The following LINGO2 variants were observed in gnomAD, a reference collection of about 807,000 sequenced individuals.
The protein encoded by LINGO2 is leucine rich repeat and Ig domain containing 2.
A neutral mutation model predicts 30.6 loss-of-function variants in LINGO2; 14 were observed. The observed-to-expected ratio is 0.46, with a 90% CI of 0.30 to 0.72. The LOEUF is 0.72. Among genes scored for constraint, LINGO2 ranks in the 30% least tolerant of loss-of-function variants. The pLI is 0.07. For missense variants in LINGO2, 729 were observed against 751.7 expected, an observed-to-expected ratio of 0.97 and a Z score of 0.35; for synonymous variants, 317 against 288.5, an observed-to-expected ratio of 1.10 and a Z score of -1.00.
At chr9:29,205,563 C>A in the LINGO2 span, among the ~76,000 whole-genome samples, 3 of 152,048 alleles carry the variant, frequency 2.0e-5, no homozygotes, top group Non-Finnish European at 4.4e-5. Flanking sequence ...ATGTTGGTCT[C>A]ATAGTTGGAA....
At position 28,506,257 on chromosome 9, in the gene LINGO2, A is replaced by C. The variant is rs117611873; in HGVS notation, c.-364-30232T>G. On this transcript the variant is annotated intron_variant, in intron 1 of 5. Transcript: ENST00000379992. ...TAGACAAGTCATAACTTGGAGGCTCAAGTTCTTCATTTGTAAGATGTGAAT... is the reference window on the plus strand; with the variant it reads ...TAGACAAGTCATAACTTGGAGGCTCCAGTTCTTCATTTGTAAGATGTGAAT... Among the ~76,000 whole-genome samples, 553 of 151,290 alleles carry C rather than the reference A, an allele frequency of 3.7e-3. 1 individual carries two copies. Among genetic ancestry groups the C allele is most frequent in the Non-Finnish European group, 6.7e-3 (456 of 67,652 alleles).
intron 4 of LINGO2, among the ~76,000 whole-genome samples, chr9:28,045,011 C>T (rs2133014347): frequency 6.6e-6 from 1 of 152,082 alleles, no homozygotes; most frequent in Non-Finnish European, 1.5e-5. Flanking sequence ...CCCAGTGTGC[C>T]AGTGGGCCCA....
At chr9:28,416,147 A>G (rs1233732758) in intron 2 of LINGO2, among the ~76,000 whole-genome samples, 1 of 152,190 alleles carries the variant, frequency 6.6e-6, no homozygotes, top group Non-Finnish European at 1.5e-5. Context: ...TGACAGGAGT[A>G]GCTATAGCAG....
intron 3 of LINGO2, among the ~76,000 whole-genome samples, chr9:28,330,161 T>TGTGAATACACA (rs1825369957): frequency 6.6e-6 from 1 of 152,248 alleles, no homozygotes; most frequent in African/African-American, 2.4e-5. Flanking sequence ...GATAAGGCAA[T>TGTGAATACACA]GTGAATACAC....
chr9:28,547,581 T>C (rs1054149654), intron 1 of LINGO2, among the ~76,000 whole-genome samples: 4 of 152,144 alleles, frequency 2.6e-5, no homozygotes, highest in Non-Finnish European at 4.4e-5. Flanking sequence ...CATATGTTAT[T>C]TTCATTTGCC....
chr9:28,486,002 T>C (rs1049721539), intron 1 of LINGO2, among the ~76,000 whole-genome samples: 1 of 152,110 alleles, frequency 6.6e-6, no homozygotes, highest in Non-Finnish European at 1.5e-5. Context: ...AGAGGTTACT[T>C]TAATTATGGA....
At chr9:28,529,469 T>C (rs1055294495) in intron 1 of LINGO2, among the ~76,000 whole-genome samples, 3 of 152,070 alleles carry the variant, frequency 2.0e-5, no homozygotes, top group African/African-American at 7.2e-5. Context: ...TAGTTATCAA[T>C]AAACAATGTG....
intron 2 of LINGO2, among the ~76,000 whole-genome samples, chr9:28,445,974 A>C (rs952801488): frequency 6.6e-6 from 1 of 152,246 alleles, no homozygotes; most frequent in East Asian, 1.9e-4. Flanking sequence ...TGATCTGTGC[A>C]AATGGTTACA....
At chr9:28,795,185 T>A in the LINGO2 span, among the ~76,000 whole-genome samples, 2 of 152,148 alleles carry the variant, frequency 1.3e-5, no homozygotes, top group African/African-American at 4.8e-5. Context: ...CCTTAGCAAA[T>A]AAGTTCATAA....
chr9:28,100,277 G>A (rs1417733235), intron 4 of LINGO2, among the ~76,000 whole-genome samples: 2 of 152,094 alleles, frequency 1.3e-5, no homozygotes, highest in Non-Finnish European at 2.9e-5. Context: ...ACATTTCAGA[G>A]CAACAAAAAT....
At chr9:29,047,598 C>T in the LINGO2 span, among the ~76,000 whole-genome samples, 171 of 152,116 alleles carry the variant, frequency 1.1e-3, 1 homozygote, top group Middle Eastern at 0.014. Flanking sequence ...CAATTTCATT[C>T]TAGTACTGGA....
chr9:28,590,638 C>T (rs1327559510), intron 1 of LINGO2, among the ~76,000 whole-genome samples: 1 of 151,564 alleles, frequency 6.6e-6, no homozygotes, highest in Non-Finnish European at 1.5e-5. Context: ...GAATGGCGAT[C>T]ATTAAAAAGT....
At chr9:28,300,874 T>C (rs1259937303) in intron 3 of LINGO2, among the ~76,000 whole-genome samples, 6 of 150,468 alleles carry the variant, frequency 4.0e-5, no homozygotes, top group African/African-American at 1.0e-4. Flanking sequence ...GCAACCTACA[T>C]TGAACATGTC....
At chr9:27,964,036 C>G (rs1436856273) in intron 5 of LINGO2, among the ~76,000 whole-genome samples, 4 of 152,010 alleles carry the variant, frequency 2.6e-5, no homozygotes, top group African/African-American at 7.2e-5. Flanking sequence ...TTTCAACTCT[C>G]TTTTTACAGA....
the LINGO2 span, among the ~76,000 whole-genome samples, chr9:29,035,974 G>A: frequency 2.6e-5 from 4 of 151,982 alleles, no homozygotes; most frequent in African/African-American, 7.2e-5. Flanking sequence ...AAGCTTTTGC[G>A]GAAACAATTT....
At chr9:27,952,821 G>A (rs1281923116) in intron 5 of LINGO2, among the ~76,000 whole-genome samples, 1 of 151,998 alleles carries the variant, frequency 6.6e-6, no homozygotes, top group East Asian at 1.9e-4. Flanking sequence ...TATAATATTA[G>A]AGTTAAGTAG....
chr9:28,251,612 C>T (rs750847303), intron 4 of LINGO2, among the ~76,000 whole-genome samples: 3 of 152,150 alleles, frequency 2.0e-5, no homozygotes, highest in Non-Finnish European at 2.9e-5. Context: ...GTGGGCATCA[C>T]ATTCTGATTT....
At chr9:28,075,769 T>C (rs1210512133) in intron 4 of LINGO2, among the ~76,000 whole-genome samples, 6 of 152,010 alleles carry the variant, frequency 3.9e-5, no homozygotes, top group African/African-American at 1.4e-4. Context: ...TTCTAATTGA[T>C]TTGAAGAAAT....
chr9:28,046,554 A>C (rs1209204136), intron 4 of LINGO2, among the ~76,000 whole-genome samples: 1 of 152,202 alleles, frequency 6.6e-6, no homozygotes, highest in African/African-American at 2.4e-5. Context: ...ACACTTCAGA[A>C]GGTGAAACAC....
Sources: allele counts gnomAD v4.1 joint callset (sites outside exome capture counted in the v4.1 genomes callset), GRCh38; gene constraint gnomAD v4.1.1; transcripts MANE v1.5; gene names NCBI Gene and HGNC (gene_info 2026-07-23, HGNC 2026-07-21).